The following RPS6KC1 variants were observed in gnomAD, a reference collection of about 807,000 sequenced individuals.
The protein encoded by RPS6KC1 is inactive ribosomal protein S6 kinase delta-1.
A neutral mutation model predicts 103.8 loss-of-function variants in RPS6KC1; 54 were observed. The observed-to-expected ratio is 0.52, with a 90% confidence interval of 0.42 to 0.65. The LOEUF is 0.65. Ranked by LOEUF, RPS6KC1 falls within the 30% of genes least tolerant of loss-of-function variation. The probability of loss-of-function intolerance (pLI) is 0.00; values close to 1 mark genes in which losing one functional copy is unlikely to be tolerated. For missense variants in RPS6KC1, 1,151 were observed against 1,253.8 expected (o/e 0.92, Z 1.24); for synonymous variants, 439 against 438.7 (o/e 1.00, Z -0.01).
At chr1:213,156,882 T>A (rs183056697) in intron 6 of RPS6KC1, among the ~76,000 whole-genome samples, 7 of 152,352 alleles carry the variant, frequency 4.6e-5, no homozygotes, top group East Asian at 1.9e-4. Context: ...ATTAATTTTT[T>A]AAATTTCATT....
chr1:213,309,874 G>A, the RPS6KC1 span, among the ~76,000 whole-genome samples: 37 of 152,216 alleles, frequency 2.4e-4, 1 homozygote, highest in African/African-American at 7.2e-4. Context: ...TAGTGGAGAC[G>A]GGGTTTTGTC....
At chr1:213,540,688 C>T in the RPS6KC1 span, among the ~76,000 whole-genome samples, 1 of 152,212 alleles carries the variant, frequency 6.6e-6, no homozygotes, top group African/African-American at 2.4e-5. Flanking sequence ...AAGTTTTCCA[C>T]ATCAGTGGAC....
intron 8 of RPS6KC1, among the ~76,000 whole-genome samples, chr1:213,215,230 T>G (rs2093627865): frequency 6.6e-6 from 1 of 152,120 alleles, no homozygotes; most frequent in Admixed American, 6.5e-5. Context: ...TCATGACGAA[T>G]GCACAAGCTT....
the RPS6KC1 span, among the ~76,000 whole-genome samples, chr1:213,445,186 TC>T: frequency 6.6e-6 from 1 of 152,234 alleles, no homozygotes; most frequent in African/African-American, 2.4e-5. Context: ...AGCACTTCAT[TC>T]TTTTTATGGC....
chr1:213,086,694 A>G (rs1012017076), intron 3 of RPS6KC1, among the ~76,000 whole-genome samples: 3 of 152,202 alleles, frequency 2.0e-5, no homozygotes, highest in Admixed American at 1.3e-4. Context: ...GACAGTAGGT[A>G]TGCTTCTTGC....
chr1:213,534,074 T>A, the RPS6KC1 span, among the ~76,000 whole-genome samples: 3 of 152,228 alleles, frequency 2.0e-5, no homozygotes, highest in East Asian at 5.8e-4. Context: ...ATAGGTTTCA[T>A]TTCTTGCATA....
chr1:213,144,692 A>G (rs1485901428), intron 6 of RPS6KC1, among the ~76,000 whole-genome samples: 3 of 152,076 alleles, frequency 2.0e-5, no homozygotes, highest in Non-Finnish European at 2.9e-5. Flanking sequence ...TCAGGATTAC[A>G]TACTTTAATA....
chr1:213,266,218 T>G (rs1253724618), intron 14 of RPS6KC1, among the ~76,000 whole-genome samples: 1 of 152,014 alleles, frequency 6.6e-6, no homozygotes, highest in Non-Finnish European at 1.5e-5. Flanking sequence ...TCAACAAAAT[T>G]CCAAAAAAGT....
At chr1:213,250,959 C>T (rs2094534737) in intron 12 of RPS6KC1, among the ~76,000 whole-genome samples, 1 of 152,108 alleles carries the variant, frequency 6.6e-6, no homozygotes, top group Admixed American at 6.6e-5. Flanking sequence ...ATCTCACCAG[C>T]CCACCAGCCA....
At chr1:213,834,183 G>A in the RPS6KC1 span, among the ~76,000 whole-genome samples, 2 of 152,102 alleles carry the variant, frequency 1.3e-5, no homozygotes, top group Admixed American at 6.5e-5. Context: ...GGGACTACAG[G>A]TAATGCACCC....
the RPS6KC1 span, among the ~76,000 whole-genome samples, chr1:213,402,643 C>T: frequency 7.2e-5 from 11 of 152,072 alleles, no homozygotes; most frequent in African/African-American, 2.7e-4. Context: ...ATTTTTATAT[C>T]CCCAGCTCTT....
the RPS6KC1 span, among the ~76,000 whole-genome samples, chr1:213,394,558 G>A: frequency 6.6e-6 from 1 of 152,122 alleles, no homozygotes. Context: ...ACGCCTTATA[G>A]AGTGCATGTG....
At chr1:213,352,023 G>A in the RPS6KC1 span, among the ~76,000 whole-genome samples, 4 of 151,514 alleles carry the variant, frequency 2.6e-5, no homozygotes, top group African/African-American at 7.3e-5. Flanking sequence ...TTTCCCTTAC[G>A]AGCTGGGAGA....
the RPS6KC1 span, among the ~76,000 whole-genome samples, chr1:213,838,345 C>A: frequency 2.0e-5 from 3 of 152,162 alleles, no homozygotes; most frequent in African/African-American, 7.2e-5. Flanking sequence ...AAGACCTAAG[C>A]AGAAGCCAAC....
intron 3 of RPS6KC1, among the ~76,000 whole-genome samples, chr1:213,096,986 A>G (rs2081517778): frequency 6.6e-6 from 1 of 152,198 alleles, no homozygotes; most frequent in South Asian, 2.1e-4. Context: ...GTTAGCTGGC[A>G]TGAAAACATA....
At chr1:213,679,645 G>A in the RPS6KC1 span, among the ~76,000 whole-genome samples, 470 of 152,216 alleles carry the variant, frequency 3.1e-3, 2 homozygotes, top group African/African-American at 0.011. Flanking sequence ...CCACCCATTG[G>A]CCAGGAATGC....
At chr1:213,464,422 A>G in the RPS6KC1 span, among the ~76,000 whole-genome samples, 1 of 152,148 alleles carries the variant, frequency 6.6e-6, no homozygotes, top group East Asian at 1.9e-4. Flanking sequence ...ATTCTCTTAC[A>G]ATTAAAAAAT....
chr1:213,330,909 G>A, the RPS6KC1 span, among the ~76,000 whole-genome samples: 2 of 152,200 alleles, frequency 1.3e-5, no homozygotes, highest in Non-Finnish European at 2.9e-5. Flanking sequence ...ACTAAAGCAA[G>A]AGGAGATCAC....
the RPS6KC1 span, among the ~76,000 whole-genome samples, chr1:213,721,203 G>A: frequency 6.6e-6 from 1 of 152,206 alleles, no homozygotes; most frequent in Non-Finnish European, 1.5e-5. Flanking sequence ...ATGGGTATTA[G>A]AGGCAAATTG....
Sources: allele counts gnomAD v4.1 joint callset (sites outside exome capture counted in the v4.1 genomes callset), GRCh38; gene constraint gnomAD v4.1.1; transcripts MANE v1.5; gene names NCBI Gene and HGNC (gene_info 2026-07-23, HGNC 2026-07-21).